The following ARID5B variants were observed in gnomAD, a reference collection of about 807,000 sequenced individuals.
The protein encoded by ARID5B is AT-rich interaction domain 5B, also known as AT-rich interactive domain-containing protein 5B.
A neutral mutation model predicts 97.2 loss-of-function variants in ARID5B; 13 were observed. The ratio of observed to expected loss-of-function variants is 0.13; its 90% CI spans 0.09 to 0.21. The LOEUF is 0.21. Among genes scored for constraint, ARID5B ranks in the 10% least tolerant of loss-of-function variants. The pLI, the probability that ARID5B is intolerant of heterozygous loss-of-function variation, is 1.00. For synonymous variants in ARID5B, 556 were observed against 570.3 expected (o/e 0.97, Z 0.36); for missense variants, 1,210 against 1,465.3 (o/e 0.83, Z 2.84).
chr10:61,980,271 T>C (rs1838759562), intron 3 of ARID5B, among the ~76,000 whole-genome samples: 1 of 152,178 alleles, frequency 6.6e-6, no homozygotes, highest in African/African-American at 2.4e-5. Context: ...GGTCACAGTC[T>C]CCCTAGAAGA....
Position 62,092,147 on chromosome 10 carries a change from C to A in ARID5B, c.2684C>A (p.Ala895Glu). The A allele has an allele frequency of 1.2e-6, 2 of 1,606,762 alleles. No homozygotes were observed. The highest frequency in any genetic ancestry group is 1.7e-5 in the Admixed American group (1 of 58,318). ...CTGCACCTGCAAGACAAAAAGTCGG[C>A]GGCAGCAGAAGCCCCTACGGATGAT... ...TSLHLQDKKS[A>E]AAEAPTDDQP... The change falls in exon 10 of 10, where the codon GCG (alanine) becomes GAG (glutamate). Residue 895 changes from alanine to glutamate, a missense_variant. Physicochemically the swap from Ala to Glu is moderately radical, Grantham distance 107 (BLOSUM62 -1). Coordinates refer to ENST00000279873, the MANE Select transcript of ARID5B (RefSeq NM_032199.3).
intron 2 of ARID5B, 64 bp downstream of exon 2, chr10:61,902,477 C>T: frequency 1.3e-6 from 2 of 1,576,270 alleles, no homozygotes; most frequent in Non-Finnish European, 8.6e-7. Context: ...ATGCTTATTA[C>T]AGGGCAAGCT....
At chr10:61,978,072 A>C (rs938792878) in intron 3 of ARID5B, among the ~76,000 whole-genome samples, 2 of 152,190 alleles carry the variant, frequency 1.3e-5, no homozygotes, top group African/African-American at 4.8e-5. Context: ...TCAGCTTTCT[A>C]CATATGGCTG....
At chr10:62,029,370 T>C (rs1282575561) in intron 4 of ARID5B, among the ~76,000 whole-genome samples, 1 of 152,236 alleles carries the variant, frequency 6.6e-6, no homozygotes, top group African/African-American at 2.4e-5. Flanking sequence ...ACTTATTTTT[T>C]TCCTGTGGCA....
At position 61,937,540 on chromosome 10, in the gene ARID5B, T is replaced by C. The variant is rs148306897; in HGVS notation, c.277-2643T>C. On this transcript the variant is annotated intron_variant, in intron 2 of 9. Transcript: ENST00000279873. ...CAACACAGCTTACATAAATATTGAT[T>C]AAGAGCTGGGTTAATTGAAAAGCCA... Among the ~76,000 whole-genome samples, 1,083 of 152,286 alleles carry C rather than the reference T, an allele frequency of 7.1e-3. 16 individuals carry two copies. The highest frequency in any genetic ancestry group is 6.1e-3 in the Non-Finnish European group (412 of 68,012).
At chr10:61,919,185 C>T (rs1219096028) in intron 2 of ARID5B, among the ~76,000 whole-genome samples, 1 of 152,156 alleles carries the variant, frequency 6.6e-6, no homozygotes, top group Non-Finnish European at 1.5e-5. Context: ...ACCCTCCACC[C>T]TGCCCTTTCA....
chr10:61,977,709 G>GT (rs1343425045), intron 3 of ARID5B, among the ~76,000 whole-genome samples: 1 of 152,026 alleles, frequency 6.6e-6, no homozygotes, highest in Non-Finnish European at 1.5e-5. Context: ...GGGGTTGTTT[G>GT]TTTTTTTCCT....
intron 8 of ARID5B, among the ~76,000 whole-genome samples, chr10:62,072,370 C>G (rs949440720): frequency 6.6e-6 from 1 of 152,214 alleles, no homozygotes; most frequent in Non-Finnish European, 1.5e-5. Flanking sequence ...GATTCCTTTT[C>G]TCTCCCTGCC....
intron 2 of ARID5B, 135 bp downstream of exon 2, chr10:61,902,548 C>G: frequency 8.0e-7 from 1 of 1,242,320 alleles, no homozygotes; most frequent in Non-Finnish European, 1.1e-6. Flanking sequence ...AAAGGGGTAG[C>G]GCCACTAGCT....
In ARID5B at chr10:61,940,416, T is replaced by C; in HGVS notation, c.502+8T>C. Reference sequence around the variant, plus strand: ...AGGAGAAGGCAGACCTGGGTAAATATGACTTGTAATTTTAAATCTAATGTG... The same window carrying C: ...AGGAGAAGGCAGACCTGGGTAAATACGACTTGTAATTTTAAATCTAATGTG... On this transcript the variant is annotated splice_region_variant and intron_variant, in intron 3 of 9. Transcript: ENST00000279873. The C allele has an allele frequency of 1.2e-6, 2 of 1,606,664 alleles. No homozygotes were observed. The highest frequency in any genetic ancestry group is 1.1e-5 in the South Asian group (1 of 90,154).
chr10:62,002,734 A>T (rs1305456101), intron 4 of ARID5B, among the ~76,000 whole-genome samples: 1 of 152,232 alleles, frequency 6.6e-6, no homozygotes, highest in African/African-American at 2.4e-5. Context: ...TTAATTAGTG[A>T]CTAGCATTAA....
intron 4 of ARID5B, among the ~76,000 whole-genome samples, chr10:62,006,163 T>C (rs1839143727): frequency 6.6e-6 from 1 of 152,194 alleles, no homozygotes. Flanking sequence ...CTAACCAGGC[T>C]GGGCGTGGTG....
At chr10:61,908,545 C>T (rs762695545) in intron 2 of ARID5B, among the ~76,000 whole-genome samples, 5 of 152,166 alleles carry the variant, frequency 3.3e-5, no homozygotes, top group Admixed American at 2.0e-4. Context: ...TAGTGGCTCA[C>T]GCCTGTAATC....
intron 5 of ARID5B, among the ~76,000 whole-genome samples, chr10:62,056,682 A>C (rs1839860607): frequency 6.6e-6 from 1 of 152,204 alleles, no homozygotes; most frequent in Admixed American, 6.5e-5. Flanking sequence ...TGTTTCTACC[A>C]GATGCAAAGG....
At chr10:61,947,956 C>G (rs774240147) in intron 3 of ARID5B, among the ~76,000 whole-genome samples, 2 of 152,158 alleles carry the variant, frequency 1.3e-5, no homozygotes, top group African/African-American at 4.8e-5. Context: ...CCTGCAGCCA[C>G]GAAAGCTTCT....
chr10:62,017,439 G>A (rs976773462), intron 4 of ARID5B, among the ~76,000 whole-genome samples: 4 of 150,812 alleles, frequency 2.7e-5, no homozygotes, highest in African/African-American at 4.9e-5. Context: ...GCAACAGAGC[G>A]AGACCCCGTC....
chr10:62,092,805 A>C lies in ARID5B; in HGVS notation c.3342A>C (p.Pro1114=), dbSNP rs746943411. 1.2e-6 allele frequency: 2 copies of C among 1,613,774 alleles called. No homozygotes were observed. Among genetic ancestry groups the C allele is most frequent in the East Asian group, 4.5e-5 (2 of 44,882 alleles). ...QYLKNQTVLS[P]LMQPLAFHSL... Reference sequence around the variant, plus strand: ...TGAAAAACCAGACTGTGCTTTCTCCACTCATGCAGCCCCTGGCTTTCCACT... The same window carrying C: ...TGAAAAACCAGACTGTGCTTTCTCCCCTCATGCAGCCCCTGGCTTTCCACT... Residue 1114 remains proline (P), a synonymous_variant, in exon 10 of 10, where the codon CCA becomes CCC. Transcript: ENST00000279873.
rs372302866 is a variant in ARID5B at position 62,085,919 on chromosome 10, T to C, written c.1398+19T>C. On this transcript the variant is annotated intron_variant, in intron 9 of 9. Coordinates refer to ENST00000279873, the MANE Select transcript of ARID5B (RefSeq NM_032199.3). ...AGCAGAGGTGAGTTGCTTTGCTCCATAGAAATACCTCTGGAAGACATGTGC... is the reference window on the plus strand; with the variant it reads ...AGCAGAGGTGAGTTGCTTTGCTCCACAGAAATACCTCTGGAAGACATGTGC... 2.5e-6 allele frequency: 4 copies of C among 1,602,344 alleles called. No homozygotes were observed. The highest frequency in any genetic ancestry group is 2.7e-5 in the African/African-American group (2 of 73,854).
chr10:61,931,409 A>T (rs1334556432), intron 2 of ARID5B, among the ~76,000 whole-genome samples: 2 of 152,238 alleles, frequency 1.3e-5, no homozygotes, highest in Admixed American at 6.5e-5. Context: ...AACTTTTAGA[A>T]CAGAACATAG....
Sources: allele counts gnomAD v4.1 joint callset (sites outside exome capture counted in the v4.1 genomes callset), GRCh38; gene constraint gnomAD v4.1.1; transcripts MANE v1.5; gene names NCBI Gene and HGNC (gene_info 2026-07-23, HGNC 2026-07-21).